Variants in CCDC178 observed in about 807,000 individuals in gnomAD.
CCDC178 encodes the protein coiled-coil domain containing 178, also known as coiled-coil domain-containing protein 178.
Under a neutral mutation model 117.4 loss-of-function variants are expected in CCDC178, and 126 were observed. The ratio of observed to expected loss-of-function variants is 1.07; its 90% CI spans 0.93 to 1.24. CCDC178 has a LOEUF of 1.24. CCDC178 is among the 50% of genes most tolerant of loss of function. The pLI, the probability that CCDC178 is intolerant of heterozygous loss-of-function variation, is 0.00. For missense variants in CCDC178, 1,030 were observed against 986.9 expected (o/e 1.04, Z -0.59); for synonymous variants, 283 against 313.4 (o/e 0.90, Z 1.02).
chr18:33,172,953 A>G (rs1407057976), intron 20 of CCDC178, among the ~76,000 whole-genome samples: 1 of 152,206 alleles, frequency 6.6e-6, no homozygotes, highest in Non-Finnish European at 1.5e-5. Flanking sequence ...TCTTCAGAGG[A>G]TGTCAAATTG....
At chr18:33,179,093 A>ATATATATATAAAC (rs1568036972) in intron 20 of CCDC178, among the ~76,000 whole-genome samples, 1 of 111,578 alleles carries the variant, frequency 9.0e-6, no homozygotes, top group Non-Finnish European at 1.7e-5. Context: ...ATATATATAT[A>ATATATATATAAAC]TATATATATA....
At position 33,224,757 on chromosome 18, in the gene CCDC178, G is replaced by C; in HGVS notation, c.1818+18C>G. ...ATATATTTCTGCACATTAATTTTTG[G>C]ATTAATTAAATGCTTACAACAGAAT... On this transcript the variant is annotated intron_variant, in intron 17 of 22. Transcript: ENST00000383096. 1 of 1,407,054 alleles carries C rather than the reference G, an allele frequency of 7.1e-7. No homozygotes were observed. Among genetic ancestry groups the C allele is most frequent in the Non-Finnish European group, 9.5e-7 (1 of 1,057,280 alleles). The allele number at this position is 1,407,054 out of a possible 1,614,324, so 87.2% of individuals were successfully genotyped here.
At chr18:33,440,242 A>AG (rs2064359794) in intron 1 of CCDC178, among the ~76,000 whole-genome samples, 161 bp from the exon 2 acceptor site, 1 of 139,814 alleles carries the variant, frequency 7.2e-6, no homozygotes, top group African/African-American at 2.6e-5. Flanking sequence ...AAGTTCCTCT[A>AG]GGCGGCCAGC....
intron 12 of CCDC178, among the ~76,000 whole-genome samples, chr18:33,274,634 G>T (rs570800072): frequency 1.3e-5 from 2 of 152,074 alleles, no homozygotes; most frequent in South Asian, 2.1e-4. Flanking sequence ...AGGGTCTATT[G>T]TCTTGCCTCA....
chr18:33,357,659 C>T (rs949347171), intron 6 of CCDC178, among the ~76,000 whole-genome samples: 4 of 151,964 alleles, frequency 2.6e-5, no homozygotes, highest in African/African-American at 4.8e-5. Context: ...TCTAAGAGTA[C>T]CTTGGGTTGT....
At chr18:33,374,420 TAACTAACAGTTCAATAC>T (rs2063338641) in intron 5 of CCDC178, among the ~76,000 whole-genome samples, 2 of 152,182 alleles carry the variant, frequency 1.3e-5, no homozygotes, top group Non-Finnish European at 2.9e-5. Flanking sequence ...AATGCACATT[TAACTAACAGTTCAATAC>T]AACTTCACAC....
At chr18:33,199,110 T>C (rs2058964914) in intron 20 of CCDC178, among the ~76,000 whole-genome samples, 1 of 152,102 alleles carries the variant, frequency 6.6e-6, no homozygotes, top group Non-Finnish European at 1.5e-5. Flanking sequence ...TATTTCAGAA[T>C]ACTAGATACA....
In CCDC178 at chr18:32,994,529, C is replaced by T. The variant is rs373544070; in HGVS notation, c.2389-19848G>A. On this transcript the variant is annotated intron_variant, in intron 21 of 22. Coordinates refer to ENST00000383096, the MANE Select transcript of CCDC178 (RefSeq NM_001105528.4). Reference sequence around the variant, plus strand: ...CACTTTGCCTTTGAAATGAAGATACCCTGTTTCCAGTACCAGTTTTAAGTA... The same window carrying T: ...CACTTTGCCTTTGAAATGAAGATACTCTGTTTCCAGTACCAGTTTTAAGTA... 6.0e-4 allele frequency among the ~76,000 whole-genome samples: 91 copies of T among 152,030 alleles called. 1 individual carries two copies. The highest frequency in any genetic ancestry group is 1.5e-3 in the South Asian group (7 of 4,816).
At chr18:33,424,132 GTAATTA>G (rs1477423080) in intron 2 of CCDC178, among the ~76,000 whole-genome samples, 1 of 151,860 alleles carries the variant, frequency 6.6e-6, no homozygotes. Context: ...TATTCTTCCA[GTAATTA>G]TAAAGATCAT....
rs757834382 is a variant in CCDC178, at chr18:33,092,853, G to A, written c.2296C>T (p.Leu766=). Reference sequence around the variant, plus strand: ...TTTTCTTTTAAGAATGTAATCTGTAGCTGTTGATACTCTTGAGCTAAACGC... The same window carrying A: ...TTTTCTTTTAAGAATGTAATCTGTAACTGTTGATACTCTTGAGCTAAACGC... ...NLRLAQEYQQ[L]QITFLKEKDN... is the part of the protein sequence containing the mutation. The change falls in exon 21 of 23, where the codon CTA becomes TTA. Residue 766 remains leucine, a synonymous_variant. Coordinates refer to ENST00000383096, the MANE Select transcript of CCDC178 (RefSeq NM_001105528.4). 3.2e-6 allele frequency: 5 copies of A among 1,585,072 alleles called. No homozygotes were observed. The highest frequency in any genetic ancestry group is 1.8e-4 in the Middle Eastern group (1 of 5,546).
chr18:33,274,324 G>A (rs2059922023), intron 12 of CCDC178, among the ~76,000 whole-genome samples: 1 of 151,896 alleles, frequency 6.6e-6, no homozygotes, highest in South Asian at 2.1e-4. Flanking sequence ...AAATATTGTA[G>A]TCACTTTGGA....
chr18:32,957,240 T>C (rs1178261734), intron 22 of CCDC178, among the ~76,000 whole-genome samples: 2 of 152,164 alleles, frequency 1.3e-5, no homozygotes, highest in East Asian at 1.9e-4. Context: ...GATCATGCAG[T>C]CTTGTGGTAT....
intron 7 of CCDC178, among the ~76,000 whole-genome samples, chr18:33,350,722 A>T (rs1468280997): frequency 6.6e-6 from 1 of 152,146 alleles, no homozygotes; most frequent in Non-Finnish European, 1.5e-5. Flanking sequence ...GTGAATATAG[A>T]TGTTATACAC....
At chr18:33,093,012 A>C (rs2057491508) in intron 20 of CCDC178, 102 bp from the exon 21 acceptor site, 3 of 708,234 alleles carry the variant, frequency 4.2e-6, no homozygotes, top group Non-Finnish European at 2.2e-6. Flanking sequence ...AAATTATCTA[A>C]ACATGCTCTA....
At chr18:33,433,221 A>G (rs2144976468) in intron 2 of CCDC178, among the ~76,000 whole-genome samples, 1 of 152,302 alleles carries the variant, frequency 6.6e-6, no homozygotes, top group East Asian at 1.9e-4. Context: ...AAGGATATCC[A>G]TGCATTGGCA....
intron 12 of CCDC178, among the ~76,000 whole-genome samples, chr18:33,291,237 T>C (rs1398869702): frequency 2.0e-5 from 3 of 152,126 alleles, no homozygotes; most frequent in South Asian, 2.1e-4. Flanking sequence ...TTATACCTGA[T>C]ACTACATTAA....
At chr18:33,038,418 G>C (rs2056484985) in intron 21 of CCDC178, among the ~76,000 whole-genome samples, 1 of 151,788 alleles carries the variant, frequency 6.6e-6, no homozygotes, top group Non-Finnish European at 1.5e-5. Context: ...TTCACTTACT[G>C]ATGTTTTTTA....
chr18:33,156,707 T>C (rs1274183992), intron 20 of CCDC178, among the ~76,000 whole-genome samples: 1 of 151,196 alleles, frequency 6.6e-6, no homozygotes, highest in African/African-American at 2.4e-5. Context: ...TTTCAGATGC[T>C]GTAATTAAAA....
At chr18:33,142,953 C>A (rs1760258547) in intron 20 of CCDC178, among the ~76,000 whole-genome samples, 1 of 151,934 alleles carries the variant, frequency 6.6e-6, no homozygotes, top group South Asian at 2.1e-4. Context: ...ATTTTTTTAA[C>A]AAAAGCATAA....
Sources: allele counts gnomAD v4.1 joint callset (sites outside exome capture counted in the v4.1 genomes callset), GRCh38; gene constraint gnomAD v4.1.1; transcripts MANE v1.5; gene names NCBI Gene and HGNC (gene_info 2026-07-23, HGNC 2026-07-21).